SUPT20H: variants seen among roughly 807,000 people sequenced by gnomAD.
SUPT20H encodes the protein transcription factor SPT20 homolog.
Under a neutral mutation model 122.8 loss-of-function variants are expected in SUPT20H, and 82 were observed. The ratio of observed to expected loss-of-function variants is 0.67; its 90% CI spans 0.56 to 0.80. The LOEUF is 0.80. SUPT20H is among the 30% of genes least tolerant of loss of function. The probability of loss-of-function intolerance (pLI) is 0.00; values close to 1 mark genes in which losing one functional copy is unlikely to be tolerated. For synonymous variants in SUPT20H, 291 were observed against 313.0 expected (o/e 0.93, Z 0.74); for missense variants, 831 against 921.6 (o/e 0.90, Z 1.27).
In SUPT20H at chr13:37,009,603, G is replaced by T; in HGVS notation, c.*69C>A. The T allele has an allele frequency of 6.3e-7, 1 of 1,587,336 alleles. No individual in the cohort carries two copies. Among genetic ancestry groups the T allele is most frequent in the Non-Finnish European group, 8.6e-7 (1 of 1,156,998 alleles). ...ACTGACACATTAAAAAAAACAAAAA[G>T]TAGAAACTCAATTCTTTTGATTCAG... is the stretch of plus-strand genomic sequence containing the variant. On this transcript the variant is annotated 3_prime_UTR_variant, in exon 26 of 26. Coordinates refer to ENST00000350612, the MANE Select transcript of SUPT20H (RefSeq NM_001014286.3).
At chr13:37,033,413 G>C (rs746436033) in intron 10 of SUPT20H, 36 bp downstream of exon 10, 1 of 1,598,742 alleles carries the variant, frequency 6.3e-7, no homozygotes, top group Non-Finnish European at 8.5e-7. Flanking sequence ...ATAGCTACTT[G>C]TGTCTTTTGG....
chr13:37,028,247 T>G lies in SUPT20H; in HGVS notation c.1052A>C (p.Lys351Thr). 1 of 1,613,704 alleles carries G rather than the reference T, an allele frequency of 6.2e-7. No homozygotes were observed. The highest frequency in any genetic ancestry group is 8.5e-7 in the Non-Finnish European group (1 of 1,179,814). Residue 351 changes from lysine to threonine, a missense_variant, in exon 14 of 26, where the codon AAG becomes ACG. Lys to Thr is a moderately conservative substitution (Grantham distance 78). Coordinates refer to ENST00000350612, the MANE Select transcript of SUPT20H (RefSeq NM_001014286.3). ...TCCAAGCGACTGCAAGATGGTCAGCTTTGTTTTCTGATACTGAGTACCAGC... is the reference window on the plus strand; with the variant it reads ...TCCAAGCGACTGCAAGATGGTCAGCGTTGTTTTCTGATACTGAGTACCAGC... ...CEAGTQYQKT[K>T]LTILQSLGDP...
rs547222527 is a variant in SUPT20H at position 37,049,239 on chromosome 13, G to A, written c.4-640C>T. On this transcript the variant is annotated intron_variant, in intron 2 of 25. Transcript: ENST00000350612. Reference sequence around the variant, plus strand: ...TGAGTATCAACTCATCATCAATTCAGTAATATTAAAATATAAAAGAAAATG... The same window carrying A: ...TGAGTATCAACTCATCATCAATTCAATAATATTAAAATATAAAAGAAAATG... Among the ~76,000 whole-genome samples the A allele has an allele frequency of 4.4e-4, 67 of 152,116 alleles. 1 individual carries two copies. Among genetic ancestry groups the A allele is most frequent in the Non-Finnish European group, 5.4e-4 (37 of 67,978 alleles).
intron 1 of SUPT20H, among the ~76,000 whole-genome samples, chr13:37,058,519 C>A (rs536412642): frequency 6.6e-6 from 1 of 152,244 alleles, no homozygotes; most frequent in Non-Finnish European, 1.5e-5. Context: ...GGGATGGGGG[C>A]TTACTAACTT....
rs2059219051 is a variant in SUPT20H, at chr13:37,009,530, A to G, written c.*142T>C. 3.8e-6 allele frequency: 4 copies of G among 1,061,606 alleles called. No homozygotes were observed. Among genetic ancestry groups the G allele is most frequent in the Non-Finnish European group, 4.2e-6 (3 of 711,020 alleles). The allele number at this position is 1,061,606 out of a possible 1,614,324, so 65.8% of individuals were successfully genotyped here. ...ATTTCCCTGTTTTTATTTAAAAATG[A>G]TAAGGTTGTGCTTCTGTATAAAGTT... On this transcript the variant is annotated 3_prime_UTR_variant, in exon 26 of 26. Transcript: ENST00000350612.
chr13:37,020,205 A>G (rs1250350166), intron 21 of SUPT20H, among the ~76,000 whole-genome samples: 1 of 146,758 alleles, frequency 6.8e-6, no homozygotes, highest in Non-Finnish European at 1.5e-5. Context: ...CTATCATATC[A>G]TTTTTTTTTT....
intron 1 of SUPT20H, among the ~76,000 whole-genome samples, chr13:37,058,121 C>A (rs2069626361): frequency 6.6e-6 from 1 of 151,914 alleles, no homozygotes; most frequent in South Asian, 2.1e-4. Flanking sequence ...TAAAAATTAG[C>A]CGGGTGTGTT....
At chr13:37,042,896 C>T (rs1261765172) in intron 7 of SUPT20H, among the ~76,000 whole-genome samples, 1 of 152,130 alleles carries the variant, frequency 6.6e-6, no homozygotes, top group Admixed American at 6.5e-5. Flanking sequence ...TGAAGTGCTT[C>T]AGACCAGAAG....
chr13:37,049,680 A>C (rs1197367949), intron 2 of SUPT20H, among the ~76,000 whole-genome samples: 1 of 152,188 alleles, frequency 6.6e-6, no homozygotes, highest in Non-Finnish European at 1.5e-5. Context: ...CAGAGGTTGC[A>C]GTGAGCCCAG....
rs200014392 is a variant in SUPT20H, at chr13:37,031,835, T to C, written c.768A>G (p.Pro256=). The C allele has an allele frequency of 3.7e-5, 59 of 1,609,820 alleles. No homozygotes were observed. In the African/African-American group the frequency reaches 6.2e-4, roughly 17 times the overall value. Residue 256 remains proline, a synonymous_variant, in exon 11 of 26, where the codon CCA becomes CCG. Coordinates refer to ENST00000350612, the MANE Select transcript of SUPT20H (RefSeq NM_001014286.3). ...LNRQQDLSHC[P]PPPQLRLLDF... is the part of the protein sequence containing the mutation. ...CAAGTAACCTCAGCTGAGGAGGAGG[T>C]GGACAATGAGATAGATCTTGCTGCC...
chr13:37,023,843 C>A, intron 19 of SUPT20H, 192 bp downstream of exon 19: 4 of 479,130 alleles, frequency 8.3e-6, no homozygotes. Context: ...TACAGAAAAA[C>A]AAGTACAATT....
chr13:37,026,068 A>G, intron 16 of SUPT20H, 136 bp downstream of exon 16: 1 of 596,834 alleles, frequency 1.7e-6, no homozygotes, highest in Non-Finnish European at 2.8e-6. Context: ...AGAGACCCAT[A>G]AATATTAAAC....
chr13:37,051,367 G>T (rs544952277), intron 2 of SUPT20H, 121 bp downstream of exon 2: 2 of 975,504 alleles, frequency 2.1e-6, no homozygotes, highest in Non-Finnish European at 3.0e-6. Context: ...TAATTTCCCA[G>T]TTGGGATAAC....
chr13:37,021,863 T>C, intron 20 of SUPT20H, 148 bp downstream of exon 20: 2 of 968,676 alleles, frequency 2.1e-6, no homozygotes, highest in Non-Finnish European at 3.0e-6. Flanking sequence ...AAAACATACA[T>C]GGTCAGGCAG....
intron 14 of SUPT20H, among the ~76,000 whole-genome samples, chr13:37,027,227 CT>C (rs2062451143): frequency 1.3e-5 from 2 of 151,650 alleles, no homozygotes; most frequent in Admixed American, 1.3e-4. Flanking sequence ...ACACATACCC[CT>C]ATATCTAAAA....
At chr13:37,040,854 C>T (rs962212218) in intron 7 of SUPT20H, among the ~76,000 whole-genome samples, 162 bp from the exon 8 acceptor site, 6 of 152,124 alleles carry the variant, frequency 3.9e-5, no homozygotes, top group African/African-American at 1.4e-4. Flanking sequence ...ACTATGTAAA[C>T]CTTTTCAGAG....
intron 9 of SUPT20H, among the ~76,000 whole-genome samples, chr13:37,034,991 C>CAGAAAAAAA (rs2064070934): frequency 6.6e-6 from 1 of 152,096 alleles, no homozygotes; most frequent in South Asian, 2.1e-4. Flanking sequence ...ACCTACTGCT[C>CAGAAAAAAA]AGAAAAAAAA....
intron 1 of SUPT20H, among the ~76,000 whole-genome samples, chr13:37,054,828 T>A (rs974673377): frequency 7.2e-5 from 11 of 152,184 alleles, no homozygotes; most frequent in African/African-American, 2.7e-4. Context: ...AGTCAAATTG[T>A]CCCTGTTTGC....
chr13:37,026,294 A>G, intron 15 of SUPT20H, 58 bp from the exon 16 acceptor site: 1 of 1,209,294 alleles, frequency 8.3e-7, no homozygotes, highest in Non-Finnish European at 1.1e-6. Context: ...TTGTCTTAAG[A>G]AGGCTTGGGA....
Sources: gnomAD v4.1 joint callset for allele counts (sites outside exome capture counted in the v4.1 genomes callset) on GRCh38, gnomAD v4.1.1 for gene constraint, MANE v1.5 for transcripts, NCBI Gene and HGNC (gene_info 2026-07-23, HGNC 2026-07-21) for gene names.